Variants in CALN1 observed in about 807,000 individuals in gnomAD.
CALN1 encodes the protein calcium-binding protein 8.
In CALN1, 17 loss-of-function variants were observed where a neutral mutation model predicts 30.6. That is an observed-to-expected ratio of 0.56 (90% CI 0.38 to 0.83). The LOEUF (loss-of-function observed/expected upper bound fraction) is 0.83, where lower values mean the gene tolerates loss of function less well. Among genes scored for constraint, CALN1 ranks in the 40% least tolerant of loss-of-function variants. The pLI is 0.00. For missense variants in CALN1, 291 were observed against 354.9 expected (o/e 0.82, Z 1.45); for synonymous variants, 156 against 131.4 (o/e 1.19, Z -1.28).
chr7:72,233,815 G>T (rs1794279270), intron 3 of CALN1, among the ~76,000 whole-genome samples: 1 of 152,062 alleles, frequency 6.6e-6, no homozygotes, highest in Non-Finnish European at 1.5e-5. Context: ...ACCAGCCTGG[G>T]CAACACAGCA....
intron 2 of CALN1, among the ~76,000 whole-genome samples, chr7:72,330,867 T>C (rs942524335): frequency 1.3e-4 from 20 of 152,190 alleles, no homozygotes; most frequent in Non-Finnish European, 2.4e-4. Flanking sequence ...ACCAGTTATT[T>C]AGTCTTGCTC....
At chr7:72,123,214 G>A (rs1584989212) in intron 3 of CALN1, among the ~76,000 whole-genome samples, 1 of 152,154 alleles carries the variant, frequency 6.6e-6, no homozygotes, top group African/African-American at 2.4e-5. Flanking sequence ...GCCTACAACA[G>A]GGTCCAAAGA....
intron 1 of CALN1, among the ~76,000 whole-genome samples, chr7:72,428,796 CA>C (rs1252338062): frequency 6.6e-6 from 1 of 152,148 alleles, no homozygotes. Flanking sequence ...TCCAGGAGTT[CA>C]AGACCAGCCT....
At chr7:72,099,273 CTTTTTTT>C (rs386359911) in intron 4 of CALN1, among the ~76,000 whole-genome samples, 4 of 125,338 alleles carry the variant, frequency 3.2e-5, no homozygotes, top group Non-Finnish European at 3.3e-5. Context: ...CCAAACACTC[CTTTTTTT>C]TTTTTTTTTT....
intron 5 of CALN1, among the ~76,000 whole-genome samples, chr7:72,000,890 T>C (rs1799493468): frequency 6.6e-6 from 1 of 152,182 alleles, no homozygotes. Context: ...CGGAGAGGGT[T>C]CCCTCTCGAC....
intron 3 of CALN1, among the ~76,000 whole-genome samples, chr7:72,226,905 C>T (rs556395924): frequency 2.0e-5 from 3 of 152,010 alleles, no homozygotes; most frequent in East Asian, 1.9e-4. Flanking sequence ...CGCATGATGG[C>T]GCATGTCTAT....
intron 2 of CALN1, among the ~76,000 whole-genome samples, chr7:72,313,906 G>C (rs1395518999): frequency 1.3e-5 from 2 of 152,198 alleles, no homozygotes; most frequent in African/African-American, 2.4e-5. Context: ...ACAAAGAAGA[G>C]GGAATGGTAA....
chr7:72,155,419 G>C (rs1787589354), intron 3 of CALN1, among the ~76,000 whole-genome samples: 1 of 151,560 alleles, frequency 6.6e-6, no homozygotes, highest in South Asian at 2.1e-4. Flanking sequence ...TTGAACCTGG[G>C]AGGCGGAGCT....
At chr7:72,011,150 A>C (rs76338601) in intron 5 of CALN1, among the ~76,000 whole-genome samples, 2 of 147,594 alleles carry the variant, frequency 1.4e-5, no homozygotes, top group African/African-American at 5.1e-5. Flanking sequence ...AGATTCCGTC[A>C]AAAAAAAAAG....
At chr7:71,874,725 C>T (rs17144069) in intron 5 of CALN1, among the ~76,000 whole-genome samples, 17,360 of 152,058 alleles carry the variant, frequency 0.11, 1,450 homozygotes, top group East Asian at 0.44. Flanking sequence ...CCAGGGACTT[C>T]GAGTGAGACA....
intron 3 of CALN1, among the ~76,000 whole-genome samples, chr7:72,138,302 C>T (rs1387053263): frequency 7.3e-5 from 11 of 151,330 alleles, no homozygotes; most frequent in African/African-American, 2.4e-4. Flanking sequence ...TTTTTTTAAA[C>T]GTCTCCAGGT....
intron 6 of CALN1, among the ~76,000 whole-genome samples, chr7:71,808,867 C>G (rs924402596): frequency 6.6e-6 from 1 of 152,254 alleles, no homozygotes; most frequent in East Asian, 1.9e-4. Context: ...AAGGCCAGGT[C>G]TGCTGTTTTC....
At chr7:72,177,098 T>C (rs1054252730) in intron 3 of CALN1, among the ~76,000 whole-genome samples, 1 of 152,156 alleles carries the variant, frequency 6.6e-6, no homozygotes, top group African/African-American at 2.4e-5. Context: ...TGCGTGGGTG[T>C]AATCCTTAAA....
chr7:72,484,767 C>A, the CALN1 span, among the ~76,000 whole-genome samples: 3 of 152,218 alleles, frequency 2.0e-5, no homozygotes, highest in Non-Finnish European at 4.4e-5. Flanking sequence ...TGCCTGAGTA[C>A]TCTCAGAGAA....
At chr7:71,846,866 G>A (rs1305908394) in intron 5 of CALN1, among the ~76,000 whole-genome samples, 3 of 142,720 alleles carry the variant, frequency 2.1e-5, no homozygotes, top group Admixed American at 7.2e-5. Context: ...ATATATGTAT[G>A]TATATATAAT....
At chr7:72,383,737 C>T (rs1805046013) in intron 2 of CALN1, among the ~76,000 whole-genome samples, 1 of 152,116 alleles carries the variant, frequency 6.6e-6, no homozygotes, top group Non-Finnish European at 1.5e-5. Flanking sequence ...TTTGTTCCTA[C>T]CCAGTAAAGA....
At chr7:72,256,057 C>G (rs763028394) in intron 3 of CALN1, among the ~76,000 whole-genome samples, 1 of 152,154 alleles carries the variant, frequency 6.6e-6, no homozygotes, top group African/African-American at 2.4e-5. Flanking sequence ...GAGAGATATA[C>G]GGAAGCGATG....
At chr7:72,342,279 A>T (rs185923731) in intron 2 of CALN1, among the ~76,000 whole-genome samples, 1 of 146,874 alleles carries the variant, frequency 6.8e-6, no homozygotes, top group Non-Finnish European at 1.5e-5. Flanking sequence ...AAAAAAAATC[A>T]GAAACACAAA....
intron 5 of CALN1, among the ~76,000 whole-genome samples, chr7:71,867,569 G>C (rs916494824): frequency 6.6e-6 from 1 of 151,988 alleles, no homozygotes; most frequent in Non-Finnish European, 1.5e-5. Flanking sequence ...CAAGTAGCTG[G>C]GATTACAGGG....
Sources: gnomAD v4.1 joint callset for allele counts (sites outside exome capture counted in the v4.1 genomes callset) on GRCh38, gnomAD v4.1.1 for gene constraint, MANE v1.5 for transcripts, NCBI Gene and HGNC (gene_info 2026-07-23, HGNC 2026-07-21) for gene names.